Variants in CMTM1 observed in about 807,000 individuals in gnomAD.
CMTM1 encodes the protein CKLF like MARVEL transmembrane domain containing 1.
In CMTM1, 16 loss-of-function variants were observed where a neutral mutation model predicts 17.8. That is an observed-to-expected ratio of 0.90 (90% confidence interval 0.61 to 1.37). The LOEUF is 1.37. CMTM1 is among the 40% of genes most tolerant of loss of function. The probability of loss-of-function intolerance (pLI) is 0.00; values close to 1 mark genes in which losing one functional copy is unlikely to be tolerated. For missense variants in CMTM1, 354 were observed against 375.6 expected (o/e 0.94, Z 0.47); for synonymous variants, 169 against 154.6 (o/e 1.09, Z -0.69).
At chr16:66,567,516 A>G (rs1034704856) in intron 1 of CMTM1, 3 of 165,062 alleles carry the variant, frequency 1.8e-5, no homozygotes, top group African/African-American at 7.2e-5. Flanking sequence ...ATAGTATTCC[A>G]TGGTGTATAT....
chr16:66,573,369 C>T (rs1254869085), intron 2 of CMTM1, among the ~76,000 whole-genome samples: 1 of 152,196 alleles, frequency 6.6e-6, no homozygotes, highest in Admixed American at 6.5e-5. Context: ...ACTCGCCCCA[C>T]TCTAGCCTAG....
chr16:66,570,939 C>CT (rs1462340451), intron 2 of CMTM1, among the ~76,000 whole-genome samples: 1 of 152,214 alleles, frequency 6.6e-6, no homozygotes, highest in African/African-American at 2.4e-5. Context: ...CATCAGATAG[C>CT]TGGGTGGCGT....
At chr16:66,577,238 G>A (rs777378785) in intron 3 of CMTM1, 36 bp downstream of exon 3, 72 of 1,559,078 alleles carry the variant, frequency 4.6e-5, no homozygotes, top group Non-Finnish European at 5.8e-5. Flanking sequence ...TTTAAGATCA[G>A]TATTCCAAGA....
intron 2 of CMTM1, among the ~76,000 whole-genome samples, chr16:66,572,327 G>A (rs748261155): frequency 5.9e-5 from 9 of 152,162 alleles, no homozygotes; most frequent in Non-Finnish European, 1.0e-4. Context: ...ATCAAAACAG[G>A]ACCCAAATTG....
Position 66,566,653 on chromosome 16 carries a change from A to C in CMTM1, c.140A>C (p.Lys47Thr), listed in dbSNP as rs567575920. The change falls in exon 1 of 4, where the codon AAG becomes ACG. Residue 47 changes from lysine (K) to threonine (T), a missense_variant. By Grantham distance (78) the Lys-to-Thr change is moderately conservative (BLOSUM62 -1). Transcript: ENST00000379500. This position sits in a 1 kb window ranked among gnomAD's most constrained non-coding sequence, Gnocchi z 4.9. ...AAGGCACAGCGCAACATCTCAGCGA[A>C]GACCGCACCCCGGAAGCACCCCGCA... ...VPKAQRNISA[K>T]TAPRKHPAVS... The C allele has an allele frequency of 5.0e-6, 8 of 1,614,020 alleles. No homozygotes were observed. Among genetic ancestry groups the C allele is most frequent in the Middle Eastern group, 1.6e-4 (1 of 6,062 alleles).
chr16:66,578,741 C>T, intron 3 of CMTM1, 90 bp from the exon 4 acceptor site: 2 of 1,532,690 alleles, frequency 1.3e-6, no homozygotes, highest in Non-Finnish European at 1.8e-6. Flanking sequence ...CCGCAGCGCC[C>T]ACCCTGGATA....
intron 2 of CMTM1, 56 bp from the exon 3 acceptor site, chr16:66,577,048 T>G (rs1050078441): frequency 2.0e-6 from 3 of 1,514,092 alleles, no homozygotes; most frequent in African/African-American, 1.4e-5. Context: ...CCAGTTTAAA[T>G]ATTTGTGAAA....
intron 1 of CMTM1, chr16:66,567,327 C>T (rs2012692814): frequency 3.0e-6 from 1 of 332,264 alleles, no homozygotes; most frequent in Non-Finnish European, 5.7e-6. Flanking sequence ...TCCCTACAGG[C>T]CCCAGTGTGT....
At chr16:66,577,314 ACT>A in intron 3 of CMTM1, 112 bp downstream of exon 3, 1 of 753,962 alleles carries the variant, frequency 1.3e-6, no homozygotes, top group South Asian at 1.9e-5. Context: ...ACTGCCACCC[ACT>A]CTCCTTCTTG....
In CMTM1 at chr16:66,570,114, A is replaced by G. The variant is rs374628903; in HGVS notation, c.591+20A>G. 6.6e-5 allele frequency: 104 copies of G among 1,572,484 alleles called. No individual in the cohort carries two copies. The African/African-American group carries it at 1.4e-3, about 20-fold the overall frequency. ...TTACTTGTAAGTGTTCATTTTTACA[A>G]TTCTTCAAATCCAAGCTTTGCCCTC... On this transcript the variant is annotated intron_variant, in intron 2 of 3. Transcript: ENST00000379500.
At chr16:66,577,341 G>T in intron 3 of CMTM1, 139 bp downstream of exon 3, 1 of 605,056 alleles carries the variant, frequency 1.7e-6, no homozygotes. Context: ...GACTTCTTCA[G>T]GTGATATGAA....
intron 2 of CMTM1, chr16:66,575,164 G>A: frequency 3.0e-6 from 3 of 985,430 alleles, no homozygotes; most frequent in Non-Finnish European, 1.2e-6. Flanking sequence ...GGGCTCCTCG[G>A]TCGCCAGCCC....
Position 66,570,023 on chromosome 16 carries a change from G to T in CMTM1, c.520G>T (p.Val174Phe). ...AATCACAAGTCTGGAAATCTGCATTGTCGTTTTTTTTATTCTAATATATGT... is the reference window on the plus strand; with the variant it reads ...AATCACAAGTCTGGAAATCTGCATTTTCGTTTTTTTTATTCTAATATATGT... ...ITITSLEICI[V>F]VFFILIYVLT... Residue 174 changes from valine (V) to phenylalanine (F), a missense_variant, in exon 2 of 4, where the codon GTC becomes TTC. By Grantham distance (50) the Val-to-Phe change is conservative. Coordinates refer to ENST00000379500, the MANE Select transcript of CMTM1 (RefSeq NM_052999.4). 1 of 1,612,676 alleles carries T rather than the reference G, an allele frequency of 6.2e-7. No individual in the cohort carries two copies. The highest frequency in any genetic ancestry group is 8.5e-7 in the Non-Finnish European group (1 of 1,179,154).
chr16:66,577,780 A>T (rs1393987330), intron 3 of CMTM1, among the ~76,000 whole-genome samples: 1 of 152,248 alleles, frequency 6.6e-6, no homozygotes, highest in African/African-American at 2.4e-5. Flanking sequence ...GACTGGGACA[A>T]ATTGGGACTC....
intron 2 of CMTM1, among the ~76,000 whole-genome samples, chr16:66,576,671 A>G (rs762053460): frequency 8.5e-5 from 13 of 152,226 alleles, no homozygotes; most frequent in Non-Finnish European, 1.6e-4. Flanking sequence ...GTGCTCATCT[A>G]AAATTTTATT....
intron 1 of CMTM1, among the ~76,000 whole-genome samples, chr16:66,568,323 T>G (rs2012920805): frequency 1.3e-5 from 2 of 152,182 alleles, no homozygotes; most frequent in South Asian, 4.1e-4. Context: ...ATTATATCTA[T>G]CACATTATAA....
In CMTM1 at chr16:66,575,060, G is replaced by A. The variant is rs1432357084; in HGVS notation, c.592-2044G>A. ...TGGGACTTACTTCCAACCTCCACCA[G>A]CCCTGCTACATACCCCTGTTCCAGC... On this transcript the variant is annotated intron_variant, in intron 2 of 3. Transcript: ENST00000379500. 1.1e-5 allele frequency: 11 copies of A among 985,270 alleles called. No individual in the cohort carries two copies. The South Asian group carries it at 4.7e-4, about 42-fold the overall frequency. The allele number at this position is 985,270 out of a possible 1,614,324, so 61.0% of individuals were successfully genotyped here.
intron 2 of CMTM1, chr16:66,575,067 T>C (rs765764481): frequency 6.2e-5 from 61 of 985,346 alleles, no homozygotes; most frequent in Non-Finnish European, 7.3e-5. Context: ...CCAGCCCTGC[T>C]ACATACCCCT....
At position 66,566,969 on chromosome 16, in the gene CMTM1, T is replaced by C. The variant is rs1326957881; in HGVS notation, c.432+24T>C. 3.1e-6 allele frequency: 5 copies of C among 1,613,470 alleles called. No homozygotes were observed. Among genetic ancestry groups the C allele is most frequent in the Admixed American group, 1.7e-5 (1 of 59,998 alleles). On this transcript the variant is annotated intron_variant, in intron 1 of 3. Coordinates refer to ENST00000379500, the MANE Select transcript of CMTM1 (RefSeq NM_052999.4). The surrounding 1 kb of genome is among the most constrained non-coding windows in gnomAD (Gnocchi z 4.9). Reference sequence around the variant, plus strand: ...TGGTGAGCGGAGAGCTGGTGAGACCTAGCTGGGCGGATGTGGCCGGCAGTG... The same window carrying C: ...TGGTGAGCGGAGAGCTGGTGAGACCCAGCTGGGCGGATGTGGCCGGCAGTG...
Sources: allele counts gnomAD v4.1 joint callset (sites outside exome capture counted in the v4.1 genomes callset), GRCh38; gene constraint gnomAD v4.1.1; non-coding constraint Gnocchi (gnomAD v3.1); transcripts MANE v1.5; gene names NCBI Gene and HGNC (gene_info 2026-07-23, HGNC 2026-07-21).